CDH18: variants seen among roughly 807,000 people sequenced by gnomAD.
CDH18 encodes the protein cadherin 18, also known as cadherin-18.
In CDH18, 31 loss-of-function variants were observed where a neutral mutation model predicts 67.9. That is an observed-to-expected ratio of 0.46 (90% CI 0.34 to 0.62). CDH18 has a LOEUF of 0.62. CDH18 is among the 20% of genes least tolerant of loss of function. The pLI is 0.01. For synonymous variants in CDH18, 362 were observed against 347.2 expected, an observed-to-expected ratio of 1.04 and a Z score of -0.48; for missense variants, 890 against 975.5, an observed-to-expected ratio of 0.91 and a Z score of 1.17.
At chr5:20,152,769 C>A (rs868767958) in intron 2 of CDH18, among the ~76,000 whole-genome samples, 3 of 151,884 alleles carry the variant, frequency 2.0e-5, no homozygotes, top group South Asian at 2.1e-4. Flanking sequence ...TTGGAGGATG[C>A]CATTTGTAAG....
chr5:19,853,740 G>C (rs897496453), intron 2 of CDH18, among the ~76,000 whole-genome samples: 1 of 152,066 alleles, frequency 6.6e-6, no homozygotes, highest in African/African-American at 2.4e-5. Flanking sequence ...GACCTAGCTA[G>C]TATCGTTCAC....
At chr5:20,334,733 C>G (rs7712668) in intron 1 of CDH18, among the ~76,000 whole-genome samples, 1 of 147,000 alleles carries the variant, frequency 6.8e-6, no homozygotes, top group Non-Finnish European at 1.5e-5. Flanking sequence ...GCTATGATCT[C>G]TCTCTCTCTC....
chr5:20,300,453 A>G (rs1341500265), intron 1 of CDH18, among the ~76,000 whole-genome samples: 3 of 148,732 alleles, frequency 2.0e-5, no homozygotes, highest in South Asian at 2.1e-4. Context: ...CTCATGTCCC[A>G]CTAGGTTTGG....
At chr5:20,387,697 TGTGG>T (rs1744428289) in intron 1 of CDH18, among the ~76,000 whole-genome samples, 1 of 152,200 alleles carries the variant, frequency 6.6e-6, no homozygotes, top group Admixed American at 6.5e-5. Flanking sequence ...TGATATTGGC[TGTGG>T]GTTTCTCATA....
rs894231540 is a variant in CDH18 at position 19,888,728 on chromosome 5, A to G, written c.-256-49486T>C. ...CACATTTAAAAATTTCTTCTTCATTAGATGTTACACTCATATTTCATGTTC... is the reference window on the plus strand; with the variant it reads ...CACATTTAAAAATTTCTTCTTCATTGGATGTTACACTCATATTTCATGTTC... On this transcript the variant is annotated intron_variant, in intron 2 of 12. Transcript: ENST00000382275. Among the ~76,000 whole-genome samples, 16 of 152,254 alleles carry G rather than the reference A, an allele frequency of 1.1e-4. 1 individual carries two copies. The highest frequency in any genetic ancestry group is 3.6e-4 in the African/African-American group (15 of 41,562).
chr5:20,480,960 CAAAT>C (rs1752763484), intron 1 of CDH18, among the ~76,000 whole-genome samples: 1 of 151,670 alleles, frequency 6.6e-6, no homozygotes, highest in Non-Finnish European at 1.5e-5. Context: ...AAAATGGAAA[CAAAT>C]AACAAAATAG....
intron 5 of CDH18, among the ~76,000 whole-genome samples, chr5:19,684,130 T>G (rs1408144274): frequency 6.6e-6 from 1 of 152,080 alleles, no homozygotes; most frequent in Non-Finnish European, 1.5e-5. Context: ...CATTTTCCCA[T>G]CCAGCTGAGA....
At chr5:20,215,961 T>A (rs1398585746) in intron 2 of CDH18, among the ~76,000 whole-genome samples, 4 of 151,646 alleles carry the variant, frequency 2.6e-5, no homozygotes, top group African/African-American at 9.7e-5. Flanking sequence ...AAAACACATA[T>A]TAAGTCTTAT....
intron 5 of CDH18, among the ~76,000 whole-genome samples, chr5:19,688,158 C>A (rs1194274356): frequency 1.3e-5 from 2 of 152,154 alleles, no homozygotes; most frequent in Admixed American, 6.6e-5. Context: ...ACACACTACC[C>A]AAAACCCAAA....
Position 19,520,745 on chromosome 5 carries a change from C to A in CDH18, c.1424G>T (p.Gly475Val), listed in dbSNP as rs771384600. The A allele has an allele frequency of 2.5e-6, 4 of 1,613,050 alleles. No homozygotes were observed. The highest frequency in any genetic ancestry group is 3.4e-6 in the Non-Finnish European group (4 of 1,179,310). Residue 475 changes from glycine (G) to valine (V), a missense_variant, in exon 10 of 13, where the codon GGT becomes GTT. This residue lies in a region of CDH18 where 656 missense variants were observed against 668.1 expected (regional missense o/e 0.98). Coordinates refer to ENST00000382275, the MANE Select transcript of CDH18 (RefSeq NM_004934.5). Reference protein sequence around the residue: ...NPDLLSHVTVGIRVLDVNDNP... With the variant: ...NPDLLSHVTVVIRVLDVNDNP... ...GTCATTGACATCCAGAACTCTAATACCCACTGTGACATGGCTCAGCAAATC... is the reference window on the plus strand; with the variant it reads ...GTCATTGACATCCAGAACTCTAATAACCACTGTGACATGGCTCAGCAAATC...
chr5:20,279,105 G>C (rs1451381564), intron 1 of CDH18, among the ~76,000 whole-genome samples: 1 of 151,966 alleles, frequency 6.6e-6, no homozygotes, highest in Non-Finnish European at 1.5e-5. Context: ...AAAAGATACA[G>C]AGTGGCAGAA....
At chr5:20,426,875 C>A (rs956036345) in intron 1 of CDH18, among the ~76,000 whole-genome samples, 2 of 151,108 alleles carry the variant, frequency 1.3e-5, no homozygotes, top group Non-Finnish European at 2.9e-5. Context: ...TCTGTAAAAT[C>A]TGGCTATGTC....
chr5:20,101,762 T>C (rs1036987228), intron 2 of CDH18, among the ~76,000 whole-genome samples: 3 of 152,122 alleles, frequency 2.0e-5, no homozygotes, highest in Non-Finnish European at 2.9e-5. Flanking sequence ...AATCTGATAA[T>C]AGAAAGGCTG....
chr5:20,053,089 G>T (rs184177196), intron 2 of CDH18, among the ~76,000 whole-genome samples: 1 of 151,704 alleles, frequency 6.6e-6, no homozygotes, highest in Non-Finnish European at 1.5e-5. Context: ...AAGAAAAAAG[G>T]CTTATGAAAG....
At chr5:20,209,282 A>G (rs186101681) in intron 2 of CDH18, among the ~76,000 whole-genome samples, 1 of 152,130 alleles carries the variant, frequency 6.6e-6, no homozygotes, top group Non-Finnish European at 1.5e-5. Flanking sequence ...AAACCAATGT[A>G]TTGAAAAAAG....
chr5:19,952,103 C>T (rs1795849785), intron 2 of CDH18, among the ~76,000 whole-genome samples: 1 of 152,104 alleles, frequency 6.6e-6, no homozygotes, highest in Non-Finnish European at 1.5e-5. Context: ...GGCTGGAGCG[C>T]AGTGGCGCCA....
chr5:19,768,861 A>G (rs1389091531), intron 3 of CDH18, among the ~76,000 whole-genome samples: 2 of 152,084 alleles, frequency 1.3e-5, no homozygotes, highest in Non-Finnish European at 1.5e-5. Context: ...AAAATCAATA[A>G]CAAAATAAAC....
chr5:20,102,246 GTGTGTGTA>G (rs1366810860), intron 2 of CDH18, among the ~76,000 whole-genome samples: 2 of 95,372 alleles, frequency 2.1e-5, no homozygotes, highest in African/African-American at 3.2e-5. Flanking sequence ...GTGTGTGTGT[GTGTGTGTA>G]TTCACGATTG....
Position 19,919,568 on chromosome 5 carries a change from TG to T in CDH18, c.-257+61491del, listed in dbSNP as rs58497436. 2.4e-3 allele frequency among the ~76,000 whole-genome samples: 365 copies of T among 152,328 alleles called. 1 individual carries two copies. The highest frequency in any genetic ancestry group is 8.2e-3 in the African/African-American group (340 of 41,580). ...TGCAAAGGATTGGAGAATTGCTTGA[TG>T]TGGAAAACCTACACATTTGATATCA... On this transcript the variant is annotated intron_variant, in intron 2 of 12. Coordinates refer to ENST00000382275, the MANE Select transcript of CDH18 (RefSeq NM_004934.5).
Sources: allele counts gnomAD v4.1 joint callset (sites outside exome capture counted in the v4.1 genomes callset), GRCh38; gene constraint gnomAD v4.1.1; regional missense constraint gnomAD v4.1.1; transcripts MANE v1.5; gene names NCBI Gene and HGNC (gene_info 2026-07-23, HGNC 2026-07-21).